The following GRIN2A variants were observed in gnomAD, a reference collection of about 807,000 sequenced individuals.
GRIN2A encodes the protein glutamate ionotropic receptor NMDA type subunit 2A.
A neutral mutation model predicts 113.4 loss-of-function variants in GRIN2A; 22 were observed. The ratio of observed to expected loss-of-function variants is 0.19; its 90% CI spans 0.14 to 0.28. The LOEUF (loss-of-function observed/expected upper bound fraction) is 0.28, where lower values mean the gene tolerates loss of function less well. GRIN2A is among the 10% of genes least tolerant of loss of function. The pLI, the probability that GRIN2A is intolerant of heterozygous loss-of-function variation, is 1.00. For missense variants in GRIN2A, 1,502 were observed against 1,887.0 expected, an observed-to-expected ratio of 0.80 and a Z score of 3.78; for synonymous variants, 827 against 738.4, an observed-to-expected ratio of 1.12 and a Z score of -1.94.
At chr16:10,019,603 A>G (rs192955682) in intron 2 of GRIN2A, among the ~76,000 whole-genome samples, 2 of 152,358 alleles carry the variant, frequency 1.3e-5, no homozygotes, top group African/African-American at 4.8e-5. Flanking sequence ...TATGCCCTCA[A>G]GTAGATTAAA....
chr16:10,115,111 T>A (rs2048704753), intron 2 of GRIN2A, among the ~76,000 whole-genome samples: 1 of 152,252 alleles, frequency 6.6e-6, no homozygotes, highest in African/African-American at 2.4e-5. Flanking sequence ...CTGCTTTCAA[T>A]GCTCTGTTGC....
chr16:9,898,113 T>C (rs1409619644), intron 3 of GRIN2A, among the ~76,000 whole-genome samples: 1 of 140,290 alleles, frequency 7.1e-6, no homozygotes, highest in Non-Finnish European at 1.5e-5. Context: ...AGACTAGCCA[T>C]GACAGTTTCA....
intron 2 of GRIN2A, among the ~76,000 whole-genome samples, chr16:9,964,364 G>C (rs1356000141): frequency 6.6e-6 from 1 of 152,210 alleles, no homozygotes; most frequent in African/African-American, 2.4e-5. Flanking sequence ...TGTGACCACT[G>C]TTAGTGCTTA....
intron 2 of GRIN2A, among the ~76,000 whole-genome samples, chr16:10,018,643 C>A (rs2046653710): frequency 6.6e-6 from 1 of 152,170 alleles, no homozygotes; most frequent in Non-Finnish European, 1.5e-5. Flanking sequence ...GAAACTCTAT[C>A]CAGGGAGGTG....
chr16:9,970,573 T>C (rs1313401219), intron 2 of GRIN2A, among the ~76,000 whole-genome samples: 1 of 152,022 alleles, frequency 6.6e-6, no homozygotes, highest in East Asian at 1.9e-4. Flanking sequence ...TAGAAAGAAG[T>C]AAATTAGAGG....
At chr16:9,888,793 G>A (rs192991130) in intron 4 of GRIN2A, among the ~76,000 whole-genome samples, 3 of 151,788 alleles carry the variant, frequency 2.0e-5, no homozygotes, top group Non-Finnish European at 4.4e-5. Flanking sequence ...TCAGATTGAG[G>A]AATTTACCAT....
intron 2 of GRIN2A, among the ~76,000 whole-genome samples, chr16:10,059,254 G>A (rs1325260768): frequency 1.3e-5 from 2 of 151,576 alleles, no homozygotes; most frequent in Admixed American, 1.3e-4. Flanking sequence ...AGCAGTGTAT[G>A]CAGGGGAATA....
At chr16:10,075,316 C>T (rs533938100) in intron 2 of GRIN2A, among the ~76,000 whole-genome samples, 5 of 152,144 alleles carry the variant, frequency 3.3e-5, no homozygotes, top group South Asian at 2.1e-4. Context: ...AGAGAAATGA[C>T]GTGACTTGTC....
At chr16:9,851,977 C>G (rs2042890705) in intron 4 of GRIN2A, among the ~76,000 whole-genome samples, 1 of 152,194 alleles carries the variant, frequency 6.6e-6, no homozygotes, top group Non-Finnish European at 1.5e-5. Flanking sequence ...ATCATTCCTG[C>G]TTTCCCTAGT....
At chr16:9,936,427 C>G (rs1046334467) in intron 3 of GRIN2A, among the ~76,000 whole-genome samples, 1 of 152,166 alleles carries the variant, frequency 6.6e-6, no homozygotes, top group African/African-American at 2.4e-5. Context: ...ACGAGACAAG[C>G]TTTGAACCCA....
At chr16:10,143,539 T>A (rs2049371553) in intron 2 of GRIN2A, among the ~76,000 whole-genome samples, 1 of 152,242 alleles carries the variant, frequency 6.6e-6, no homozygotes, top group Non-Finnish European at 1.5e-5. Flanking sequence ...ATAATAAAAT[T>A]GTATTTATAG....
At chr16:10,079,236 A>C (rs1327565173) in intron 2 of GRIN2A, among the ~76,000 whole-genome samples, 1 of 152,198 alleles carries the variant, frequency 6.6e-6, no homozygotes, top group Non-Finnish European at 1.5e-5. Context: ...ACCAAAAAAA[A>C]TGGTAATGTC....
intron 2 of GRIN2A, among the ~76,000 whole-genome samples, chr16:9,949,061 T>A (rs73504641): frequency 1.4e-3 from 213 of 152,258 alleles, no homozygotes; most frequent in African/African-American, 4.7e-3. Flanking sequence ...GGGAGCTCAC[T>A]GAGGAAATAG....
At chr16:9,886,037 C>CTTGT (rs2043580095) in intron 4 of GRIN2A, among the ~76,000 whole-genome samples, 1 of 152,206 alleles carries the variant, frequency 6.6e-6, no homozygotes, top group African/African-American at 2.4e-5. Context: ...CAGTGGCCTC[C>CTTGT]TTGTGTACCA....
chr16:9,982,068 G>A (rs1451719448), intron 2 of GRIN2A, among the ~76,000 whole-genome samples: 2 of 152,148 alleles, frequency 1.3e-5, no homozygotes, highest in Non-Finnish European at 2.9e-5. Context: ...GATTACAGGT[G>A]TGAGCCCCGC....
At chr16:9,965,534 G>A (rs183091158) in intron 2 of GRIN2A, among the ~76,000 whole-genome samples, 48 of 152,258 alleles carry the variant, frequency 3.2e-4, no homozygotes, top group African/African-American at 8.4e-4. Flanking sequence ...AATCACAACC[G>A]ATTTTGATTC....
chr16:10,011,889 C>T (rs901116742), intron 2 of GRIN2A, among the ~76,000 whole-genome samples: 6 of 152,148 alleles, frequency 3.9e-5, no homozygotes, highest in African/African-American at 1.4e-4. Context: ...CACCAAGCTG[C>T]TCATAGTTTC....
At chr16:9,922,016 A>G (rs1284807814) in intron 3 of GRIN2A, among the ~76,000 whole-genome samples, 1 of 152,226 alleles carries the variant, frequency 6.6e-6, no homozygotes, top group East Asian at 1.9e-4. Context: ...GGCAAATTTT[A>G]TAAATTATTA....
Position 10,111,395 on chromosome 16 carries a change from T to C in GRIN2A, c.414+68603A>G, listed in dbSNP as rs985214089. On this transcript the variant is annotated intron_variant, in intron 2 of 12. Coordinates refer to ENST00000330684, the MANE Select transcript of GRIN2A (RefSeq NM_001134407.3). ...CCTTGCGGCAGCATGGCGAACCATC[T>C]GATCAGTGGCGGCACCGGCTACGTG... 1.2e-5 allele frequency: 6 copies of C among 495,080 alleles called. No individual in the cohort carries two copies. The East Asian group carries it at 1.2e-4, about 10-fold the overall frequency. The allele number at this position is 495,080 out of a possible 1,614,324, so 30.7% of individuals were successfully genotyped here.
Sources: allele counts gnomAD v4.1 joint callset (sites outside exome capture counted in the v4.1 genomes callset), GRCh38; gene constraint gnomAD v4.1.1; transcripts MANE v1.5; gene names NCBI Gene and HGNC (gene_info 2026-07-23, HGNC 2026-07-21).